Variants in SLX4IP observed in about 807,000 individuals in gnomAD.
SLX4IP encodes SLX4 interacting protein, also known as protein SLX4IP.
Under a neutral mutation model 32.9 loss-of-function variants are expected in SLX4IP, and 34 were observed. That is an observed-to-expected ratio of 1.03 (90% CI 0.79 to 1.38). The LOEUF (loss-of-function observed/expected upper bound fraction) is 1.38. Among genes scored for constraint, SLX4IP ranks in the 40% most tolerant of loss-of-function variants. The pLI, the probability that SLX4IP is intolerant of heterozygous loss-of-function variation, is 0.00. For synonymous variants in SLX4IP, 172 were observed against 171.7 expected, an observed-to-expected ratio of 1.00 and a Z score of -0.01; for missense variants, 444 against 479.0, an observed-to-expected ratio of 0.93 and a Z score of 0.68.
intron 2 of SLX4IP, among the ~76,000 whole-genome samples, chr20:10,502,501 C>G (rs1224913126): frequency 2.0e-5 from 3 of 152,016 alleles, no homozygotes; most frequent in African/African-American, 7.3e-5. Flanking sequence ...CTCACAAACC[C>G]ACTCACTTTC....
At chr20:10,588,385 C>A (rs2066668948) in intron 4 of SLX4IP, among the ~76,000 whole-genome samples, 1 of 151,964 alleles carries the variant, frequency 6.6e-6, no homozygotes, top group Admixed American at 6.6e-5. Context: ...AAAAGGGAAC[C>A]CTTGCATGCT....
chr20:10,476,698 A>G (rs1022788579), intron 2 of SLX4IP, among the ~76,000 whole-genome samples: 2 of 152,228 alleles, frequency 1.3e-5, no homozygotes, highest in Admixed American at 6.5e-5. Context: ...AAAATTATCC[A>G]GAGAAGGGTG....
intron 2 of SLX4IP, among the ~76,000 whole-genome samples, chr20:10,504,171 G>T (rs2065740639): frequency 6.6e-6 from 1 of 152,122 alleles, no homozygotes; most frequent in Admixed American, 6.5e-5. Context: ...CCTAAATACT[G>T]TTGTCCTCAC....
At chr20:10,581,590 A>C (rs1425053029) in intron 4 of SLX4IP, among the ~76,000 whole-genome samples, 1 of 152,136 alleles carries the variant, frequency 6.6e-6, no homozygotes, top group Admixed American at 6.5e-5. Flanking sequence ...TGCCAGGTAG[A>C]AAAGTCTCAC....
chr20:10,546,317 T>C (rs890844855), intron 2 of SLX4IP, among the ~76,000 whole-genome samples: 2 of 152,240 alleles, frequency 1.3e-5, no homozygotes, highest in Non-Finnish European at 2.9e-5. Context: ...GGAGAGTTCA[T>C]AGTTTTACTT....
At position 10,624,657 on chromosome 20, in the gene SLX4IP, TAGC is replaced by T. The variant is rs1387203539; in HGVS notation, c.*1281_*1283del. On this transcript the variant is annotated 3_prime_UTR_variant, in exon 8 of 8. Transcript: ENST00000334534. Reference sequence around the variant, plus strand: ...AGTATATTCCCTAAAGTGTTGAAGTTAGCAGAAAAATCACCCAGAAAAGCCCAA... The same window carrying T: ...AGTATATTCCCTAAAGTGTTGAAGTTAGAAAAATCACCCAGAAAAGCCCAA... 1 of 152,112 alleles carries T rather than the reference TAGC, an allele frequency of 6.6e-6. No homozygotes were observed. Among genetic ancestry groups the T allele is most frequent in the Non-Finnish European group, 1.5e-5 (1 of 68,014 alleles). The allele number at this position is 152,112 out of a possible 1,614,324, so 9.4% of individuals were successfully genotyped here.
At chr20:10,568,444 A>T (rs1376903330) in intron 4 of SLX4IP, among the ~76,000 whole-genome samples, 1 of 152,202 alleles carries the variant, frequency 6.6e-6, no homozygotes, top group Non-Finnish European at 1.5e-5. Flanking sequence ...TGTAGTACTG[A>T]TGCTAGGTGC....
chr20:10,524,267 C>T (rs1210049023), intron 2 of SLX4IP, among the ~76,000 whole-genome samples: 2 of 152,222 alleles, frequency 1.3e-5, no homozygotes, highest in Non-Finnish European at 2.9e-5. Context: ...GGACCCTTGG[C>T]AGCGTTCCTC....
intron 2 of SLX4IP, among the ~76,000 whole-genome samples, chr20:10,508,567 C>T (rs1376102402): frequency 6.6e-6 from 1 of 152,216 alleles, no homozygotes; most frequent in Non-Finnish European, 1.5e-5. Flanking sequence ...TTTTCAACAA[C>T]AGTTGCTATA....
At position 10,593,733 on chromosome 20, in the gene SLX4IP, CA is replaced by C. The variant is rs748478574; in HGVS notation, c.239-4932del. 7.4e-5 allele frequency among the ~76,000 whole-genome samples: 11 copies of C among 148,754 alleles called. No individual in the cohort carries two copies. The East Asian group carries it at 1.2e-3, about 16-fold the overall frequency. On this transcript the variant is annotated intron_variant, in intron 4 of 7. Transcript: ENST00000334534. ...CCTGGGCAACACAGCAAGACCCTGT[CA>C]AAAAAAAAATTCAAATGTAGAATGG...
At chr20:10,597,643 C>T (rs1284720401) in intron 4 of SLX4IP, among the ~76,000 whole-genome samples, 1 of 152,190 alleles carries the variant, frequency 6.6e-6, no homozygotes, top group Admixed American at 6.5e-5. Context: ...CAGTGTGTGA[C>T]TATATCCCCA....
intron 2 of SLX4IP, among the ~76,000 whole-genome samples, chr20:10,492,235 G>C (rs1329624586): frequency 6.6e-6 from 1 of 152,194 alleles, no homozygotes; most frequent in East Asian, 1.9e-4. Context: ...TGCTGTAGGG[G>C]ATGTGTCCTG....
chr20:10,532,978 T>C (rs2122467020), intron 2 of SLX4IP, among the ~76,000 whole-genome samples: 1 of 152,292 alleles, frequency 6.6e-6, no homozygotes, highest in East Asian at 1.9e-4. Context: ...GGTTTCACCA[T>C]GTTGGCTAAG....
chr20:10,621,122 C>T (rs565321337), intron 6 of SLX4IP, among the ~76,000 whole-genome samples, 192 bp from the exon 7 acceptor site: 9 of 152,278 alleles, frequency 5.9e-5, no homozygotes. Context: ...GAAATGTGGA[C>T]TGGGAGTCCA....
chr20:10,475,021 T>C lies in SLX4IP; in HGVS notation c.27+16790T>C, dbSNP rs565684356. On this transcript the variant is annotated intron_variant, in intron 2 of 7. Transcript: ENST00000334534. ...CTGTTGCCTTCTTTGGGCAAGCACGTGGAGCCGCTCAAGTAAAGCTGCTCT... is the reference window on the plus strand; with the variant it reads ...CTGTTGCCTTCTTTGGGCAAGCACGCGGAGCCGCTCAAGTAAAGCTGCTCT... Among the ~76,000 whole-genome samples the C allele has an allele frequency of 1.5e-4, 23 of 152,340 alleles. No homozygotes were observed. In the South Asian group the frequency reaches 4.6e-3, roughly 30 times the overall value.
At chr20:10,518,474 T>TCC (rs1399455441) in intron 2 of SLX4IP, among the ~76,000 whole-genome samples, 3,065 of 50,842 alleles carry the variant, frequency 0.06, 178 homozygotes, top group Admixed American at 0.15. Flanking sequence ...TTTCCTTTCT[T>TCC]TTCCTTTCCT....
chr20:10,619,494 T>TCACTATCACAGCATCATACTTTATGTGG (rs2067082505), intron 6 of SLX4IP, among the ~76,000 whole-genome samples: 5 of 152,224 alleles, frequency 3.3e-5, no homozygotes, highest in Admixed American at 2.6e-4. Context: ...TGAAAGAGTG[T>TCACTATCACAGCATCATACTTTATGTGG]CACTATCACA....
chr20:10,510,758 C>A (rs1034907214), intron 2 of SLX4IP, among the ~76,000 whole-genome samples: 1 of 152,050 alleles, frequency 6.6e-6, no homozygotes, highest in Non-Finnish European at 1.5e-5. Context: ...GCGCCCACCA[C>A]CATGCATGTC....
intron 2 of SLX4IP, among the ~76,000 whole-genome samples, chr20:10,523,091 A>C (rs2122451876): frequency 6.6e-6 from 1 of 152,250 alleles, no homozygotes; most frequent in Non-Finnish European, 1.5e-5. Flanking sequence ...GTGCAAACAG[A>C]GATCAAATTG....
Sources: allele counts gnomAD v4.1 joint callset (sites outside exome capture counted in the v4.1 genomes callset), GRCh38; gene constraint gnomAD v4.1.1; transcripts MANE v1.5; gene names NCBI Gene and HGNC (gene_info 2026-07-23, HGNC 2026-07-21).